The following SRCIN1 variants were observed in gnomAD, a reference collection of about 807,000 sequenced individuals.
The protein encoded by SRCIN1 is SRC kinase signaling inhibitor 1.
Under a neutral mutation model 116.2 loss-of-function variants are expected in SRCIN1, and 50 were observed. The observed-to-expected ratio is 0.43, with a 90% CI of 0.34 to 0.54. The LOEUF (loss-of-function observed/expected upper bound fraction) is 0.54, where lower values mean the gene tolerates loss of function less well. Ranked by LOEUF, SRCIN1 falls within the 20% of genes least tolerant of loss-of-function variation. The probability of loss-of-function intolerance (pLI) is 0.02; values close to 1 mark genes in which losing one functional copy is unlikely to be tolerated. For synonymous variants in SRCIN1, 736 were observed against 750.0 expected (o/e 0.98, Z 0.30); for missense variants, 1,446 against 1,672.0 (o/e 0.86, Z 2.36).
rs750130029 is a variant in SRCIN1 at position 38,559,664 on chromosome 17, T to G, written c.1946A>C (p.Gln649Pro). Reference protein sequence around the residue: ...AGQPTAVSRLQMQLHLRGLQN... With the variant: ...AGQPTAVSRLPMQLHLRGLQN... ...CAGGCCTCGCAGGTGAAGCTGCATCTGCAGCCGGCTAACGGCGGTAGGCTG... is the reference window on the plus strand; with the variant it reads ...CAGGCCTCGCAGGTGAAGCTGCATCGGCAGCCGGCTAACGGCGGTAGGCTG... Residue 649 changes from glutamine (Q) to proline (P), a missense_variant, in exon 10 of 19, where the codon CAG (glutamine) becomes CCG (proline). This residue lies in a region of SRCIN1 where 398 missense variants were observed against 385.6 expected (regional missense o/e 1.03). Transcript: ENST00000617146. 3 of 1,600,888 alleles carry G rather than the reference T, an allele frequency of 1.9e-6. No homozygotes were observed. The African/African-American group carries it at 4.0e-5, about 21-fold the overall frequency.
chr17:38,561,605 C>A lies in SRCIN1; in HGVS notation c.1558G>T (p.Ala520Ser), dbSNP rs1376286052. Residue 520 changes from alanine (A) to serine (S), a missense_variant, in exon 7 of 19, where the codon GCC becomes TCC. Around this residue, in one of 5 missense-constraint regions of SRCIN1, gnomAD observed 398 missense variants for 385.6 expected, o/e 1.03. Transcript: ENST00000617146. ...CGGGTCTTCCCTCCAGGACTCTCGG[C>A]AAAGACGGACGAGGAGCCCGAGTCC... ...RKDSGSSSVF[A>S]ESPGGKTRSA... 8.8e-6 allele frequency: 14 copies of A among 1,592,572 alleles called. 1 individual carries two copies. Among genetic ancestry groups the A allele is most frequent in the Non-Finnish European group, 1.1e-5 (13 of 1,170,056 alleles).
At chr17:38,570,738 G>A (rs1907029222) in intron 2 of SRCIN1, among the ~76,000 whole-genome samples, 1 of 152,224 alleles carries the variant, frequency 6.6e-6, no homozygotes, top group South Asian at 2.1e-4. Context: ...AGGGTCCCAA[G>A]GCTGTGCACA....
At chr17:38,570,064 A>G (rs1311133753) in intron 2 of SRCIN1, among the ~76,000 whole-genome samples, 1 of 152,164 alleles carries the variant, frequency 6.6e-6, no homozygotes, top group African/African-American at 2.4e-5. Flanking sequence ...AGCGCCCCGC[A>G]ACACACAGGC....
At chr17:38,592,466 C>G (rs1908494427) in intron 1 of SRCIN1, among the ~76,000 whole-genome samples, 1 of 152,166 alleles carries the variant, frequency 6.6e-6, no homozygotes, top group Admixed American at 6.5e-5. Flanking sequence ...GACATGTGTC[C>G]CATGTATGCA....
intron 9 of SRCIN1, 61 bp from the exon 10 acceptor site, chr17:38,559,833 C>T: frequency 6.9e-7 from 1 of 1,458,030 alleles, no homozygotes; most frequent in Non-Finnish European, 9.1e-7. Flanking sequence ...AAGGACTGGG[C>T]TGGGACAAAG....
intron 1 of SRCIN1, among the ~76,000 whole-genome samples, chr17:38,591,908 C>T (rs1048196253): frequency 6.6e-6 from 1 of 152,370 alleles, no homozygotes; most frequent in Non-Finnish European, 1.5e-5. Flanking sequence ...GAGTGGGCAG[C>T]CCGCTCTGCC....
chr17:38,598,743 G>A (rs1027890253), intron 1 of SRCIN1, among the ~76,000 whole-genome samples: 2 of 152,236 alleles, frequency 1.3e-5, no homozygotes, highest in South Asian at 2.1e-4. Context: ...CCAGGATAAG[G>A]CTGTGGGGGA....
intron 18 of SRCIN1, among the ~76,000 whole-genome samples, chr17:38,538,416 CAAAA>C (rs536827040): frequency 7.8e-4 from 78 of 100,562 alleles, no homozygotes; most frequent in South Asian, 2.5e-3. Context: ...GACTCCGTCT[CAAAA>C]AAAAAAAAAA....
At position 38,563,198 on chromosome 17, in the gene SRCIN1, TG is replaced by T; in HGVS notation, c.740+124del. The T allele has an allele frequency of 9.0e-7, 1 of 1,110,616 alleles. No individual in the cohort carries two copies. Among genetic ancestry groups the T allele is most frequent in the Non-Finnish European group, 1.3e-6 (1 of 779,978 alleles). The allele number at this position is 1,110,616 out of a possible 1,614,324, so 68.8% of individuals were successfully genotyped here. ...GGAAGGGGGCGGGGCGGTAGGGCTC[TG>T]GGAGGGGAGGGGAAAGGCTGAGGTC... On this transcript the variant is annotated intron_variant, in intron 5 of 18. Transcript: ENST00000617146. The surrounding 1 kb of genome is among the most constrained non-coding windows in gnomAD (Gnocchi z 5.8).
rs887422747 is a variant in SRCIN1, at chr17:38,532,814, G to A, written c.*483C>T. ...GGCTTGATGTATGGGTTGGTCCGAT[G>A]TCCCCGCGTTCCTCCAGGAAGGTAT... On this transcript the variant is annotated 3_prime_UTR_variant, in exon 19 of 19. Coordinates refer to ENST00000617146, the MANE Select transcript of SRCIN1 (RefSeq NM_025248.3). This position sits in a 1 kb window ranked among gnomAD's most constrained non-coding sequence, Gnocchi z 4.3. 1 of 153,114 alleles carries A rather than the reference G, an allele frequency of 6.5e-6. No individual in the cohort carries two copies. The highest frequency in any genetic ancestry group is 1.5e-5 in the Non-Finnish European group (1 of 68,748). 9.5% of individuals were successfully genotyped at this position (153,114 alleles called of 1,614,324 possible).
chr17:38,579,653 A>G (rs1164840097), intron 1 of SRCIN1, among the ~76,000 whole-genome samples: 1 of 152,168 alleles, frequency 6.6e-6, no homozygotes, highest in Non-Finnish European at 1.5e-5. Flanking sequence ...TAAGAGACGT[A>G]CAGGGGACAA....
At chr17:38,549,354 A>C (rs1905255035) in intron 15 of SRCIN1, 144 bp from the exon 16 acceptor site, 3 of 764,688 alleles carry the variant, frequency 3.9e-6, no homozygotes, top group Non-Finnish European at 5.8e-6. Flanking sequence ...GCAAGAACAC[A>C]GGGCCCCTCC....
rs1288033305 is a variant in SRCIN1, at chr17:38,605,726, G to A, written c.-21C>T. The A allele has an allele frequency of 2.6e-5, 30 of 1,167,556 alleles. No individual in the cohort carries two copies. Among genetic ancestry groups the A allele is most frequent in the Non-Finnish European group, 3.1e-5 (29 of 934,770 alleles). The allele number at this position is 1,167,556 out of a possible 1,614,324, so 72.3% of individuals were successfully genotyped here. On this transcript the variant is annotated 5_prime_UTR_variant, in exon 1 of 19. Coordinates refer to ENST00000617146, the MANE Select transcript of SRCIN1 (RefSeq NM_025248.3). ...CCCATCGGGCGGGGGCGCGGGGGGC[G>A]GGGGCCCCGGGCCGGCCTGCCTGGC...
At chr17:38,606,529 C>T (rs1909377690), upstream of SRCIN1, among the ~76,000 whole-genome samples, 1 of 152,200 alleles carries the variant, frequency 6.6e-6, no homozygotes, top group Admixed American at 6.5e-5. The surrounding 1 kb of genome is among the most constrained non-coding windows in gnomAD (Gnocchi z 5.2). Flanking sequence ...TGCTGGGCCG[C>T]CGCCTCGCCC....
At chr17:38,571,879 A>G (rs1210624769) in intron 2 of SRCIN1, among the ~76,000 whole-genome samples, 3 of 152,128 alleles carry the variant, frequency 2.0e-5, no homozygotes, top group Non-Finnish European at 4.4e-5. Context: ...GGAGCTAAGG[A>G]GTTAACTCCC....
chr17:38,592,284 C>G (rs774454708), intron 1 of SRCIN1, among the ~76,000 whole-genome samples: 10 of 152,202 alleles, frequency 6.6e-5, no homozygotes, highest in African/African-American at 2.4e-4. Context: ...GGGATGGGAT[C>G]GGAAGCTGAG....
At chr17:38,547,104 G>C (rs1905120468) in intron 17 of SRCIN1, among the ~76,000 whole-genome samples, 1 of 152,256 alleles carries the variant, frequency 6.6e-6, no homozygotes, top group Non-Finnish European at 1.5e-5. Context: ...AGAGAAGGAA[G>C]AATTTCCCAA....
intron 1 of SRCIN1, among the ~76,000 whole-genome samples, chr17:38,586,074 C>T (rs1908098355): frequency 6.6e-6 from 1 of 152,200 alleles, no homozygotes. Flanking sequence ...GACAGAAGGC[C>T]TGAGACAGGG....
At position 38,551,035 on chromosome 17, in the gene SRCIN1, C is replaced by T. The variant is rs530172441; in HGVS notation, c.2962+120G>A. 7 of 576,762 alleles carry T rather than the reference C, an allele frequency of 1.2e-5. No individual in the cohort carries two copies. In the South Asian group the frequency reaches 1.4e-4, roughly 11 times the overall value. 35.7% of individuals were successfully genotyped at this position (576,762 alleles called of 1,614,324 possible). ...TGGCAGCCGATGTCCCAGGGCCTCC[C>T]TTGTGTGGCAGCCCAACCACAATGA... On this transcript the variant is annotated intron_variant, in intron 15 of 18. Coordinates refer to ENST00000617146, the MANE Select transcript of SRCIN1 (RefSeq NM_025248.3).
Sources: gnomAD v4.1 joint callset for allele counts (sites outside exome capture counted in the v4.1 genomes callset) on GRCh38, gnomAD v4.1.1 for gene constraint, gnomAD v4.1.1 regional missense constraint, Gnocchi (gnomAD v3.1) non-coding constraint, MANE v1.5 for transcripts, NCBI Gene and HGNC (gene_info 2026-07-23, HGNC 2026-07-21) for gene names.